Variants in EXD3 observed in about 807,000 individuals in gnomAD.
EXD3 encodes the protein exonuclease mut-7 homolog.
Under a neutral mutation model 98.0 loss-of-function variants are expected in EXD3, and 92 were observed. The observed-to-expected ratio is 0.94, with a 90% confidence interval of 0.79 to 1.12. EXD3 has a LOEUF of 1.12. Among genes scored for constraint, EXD3 ranks in the 50% most tolerant of loss-of-function variants. EXD3 has a pLI of 0.00. For synonymous variants in EXD3, 569 were observed against 526.0 expected, an observed-to-expected ratio of 1.08 and a Z score of -1.12; for missense variants, 1,222 against 1,191.6, an observed-to-expected ratio of 1.03 and a Z score of -0.38.
chr9:137,339,711 A>G (rs1833551051), intron 17 of EXD3, among the ~76,000 whole-genome samples: 1 of 152,190 alleles, frequency 6.6e-6, no homozygotes, highest in African/African-American at 2.4e-5. Flanking sequence ...GTCGAATTCA[A>G]TGTTCATTCA....
rs114716688 is a variant in EXD3 at position 137,349,137 on chromosome 9, T to C, written c.1803A>G (p.Lys601=). The change falls in exon 16 of 22, where the codon AAA becomes AAG. Residue 601 remains lysine (K), a synonymous_variant. Transcript: ENST00000340951. The surrounding 1 kb of genome is among the most constrained non-coding windows in gnomAD (Gnocchi z 7.4). ...GCCTGGGTGCGGCCGGTGCTGACGC[T>C]TTCTGCAGGCCGGGTGGCTTCCGTG... ...PGARKPPGLQ[K]ASAPAAPRQV... is the part of the protein sequence containing the mutation. 4.5e-3 allele frequency: 7,191 copies of C among 1,599,266 alleles called. 333 individuals carry two copies. The African/African-American group carries it at 0.083, about 18-fold the overall frequency.
chr9:137,309,580 C>T (rs1831254960), intron 20 of EXD3, 27 bp downstream of exon 20: 1 of 1,537,630 alleles, frequency 6.5e-7, no homozygotes. Flanking sequence ...GCCCCCCAGA[C>T]CCAGTGCCTG....
chr9:137,330,640 C>G (rs1833022987), intron 17 of EXD3, among the ~76,000 whole-genome samples: 1 of 149,518 alleles, frequency 6.7e-6, no homozygotes, highest in Admixed American at 6.6e-5. Context: ...CAGGACTACA[C>G]AGGAGCTACA....
At chr9:137,376,343 CAAAAAAAAAA>C (rs765888922) in intron 3 of EXD3, among the ~76,000 whole-genome samples, 3 of 39,960 alleles carry the variant, frequency 7.5e-5, no homozygotes, top group African/African-American at 1.8e-4. Flanking sequence ...GACTCTGTCT[CAAAAAAAAAA>C]AAAAAAAAAA....
chr9:137,322,105 T>C (rs905741781), intron 19 of EXD3, among the ~76,000 whole-genome samples: 4 of 152,172 alleles, frequency 2.6e-5, no homozygotes. Context: ...CACTCAGGGC[T>C]TCTGTTGCCC....
chr9:137,404,721 G>C (rs958291112), intron 1 of EXD3, among the ~76,000 whole-genome samples: 13 of 152,148 alleles, frequency 8.5e-5, no homozygotes, highest in Non-Finnish European at 1.8e-4. Flanking sequence ...TTAGCTGGGC[G>C]TGGTGGCACA....
chr9:137,314,973 G>A (rs139418930), intron 19 of EXD3, among the ~76,000 whole-genome samples: 216 of 152,326 alleles, frequency 1.4e-3, no homozygotes, highest in Non-Finnish European at 2.3e-3. Context: ...GTGTCAGGGT[G>A]TGAGCCAGGA....
chr9:137,358,227 G>C (rs1001571316), intron 7 of EXD3, among the ~76,000 whole-genome samples: 2 of 152,224 alleles, frequency 1.3e-5, no homozygotes, highest in Non-Finnish European at 2.9e-5. Context: ...GCCCTGCAGA[G>C]GAACCACCTC....
At position 137,372,991 on chromosome 9, in the gene EXD3, C is replaced by A; in HGVS notation, c.376G>T (p.Ala126Ser). The change falls in exon 5 of 22, where the codon GCC (alanine) becomes TCC (serine). Residue 126 changes from alanine to serine, a missense_variant. Physicochemically the swap from Ala to Ser is moderately conservative, Grantham distance 99. Coordinates refer to ENST00000340951, the MANE Select transcript of EXD3 (RefSeq NM_017820.5). Reference protein sequence around the residue: ...ESPPSLAAPLASIFQLQDADR... With the variant: ...ESPPSLAAPLSSIFQLQDADR... ...GCATCCTGCAGCTGGAAGATGCTGG[C>A]CAGTGGTGCCGCAAGGCTGGGGGGG... 1.2e-6 allele frequency: 2 copies of A among 1,604,768 alleles called. No homozygotes were observed. Among genetic ancestry groups the A allele is most frequent in the Non-Finnish European group, 1.7e-6 (2 of 1,179,580 alleles).
chr9:137,364,244 G>A (rs1245102243), intron 7 of EXD3, among the ~76,000 whole-genome samples: 1 of 152,108 alleles, frequency 6.6e-6, no homozygotes, highest in African/African-American at 2.4e-5. Flanking sequence ...GTGACTAAGA[G>A]CTGGCAGCCA....
intron 17 of EXD3, among the ~76,000 whole-genome samples, chr9:137,341,649 G>A (rs879011322): frequency 2.8e-4 from 15 of 53,864 alleles, no homozygotes; most frequent in South Asian, 8.6e-4. Flanking sequence ...ACCAGGAGCC[G>A]TCTCCCAGGG....
At position 137,361,543 on chromosome 9, in the gene EXD3, C is replaced by T. The variant is rs570635867; in HGVS notation, c.656+4950G>A. Among the ~76,000 whole-genome samples the T allele has an allele frequency of 4.3e-4, 58 of 134,514 alleles. 9 individuals are homozygous for T. Among genetic ancestry groups the T allele is most frequent in the African/African-American group, 1.4e-3 (54 of 38,108 alleles). The allele number at this position is 134,514 out of a possible 152,430, so 88.2% of individuals were successfully genotyped here. ...TGGGTGGATTACGAGGTCAGGAGAT[C>T]GAGACCATCCTGGCTAACATGGTGA... On this transcript the variant is annotated intron_variant, in intron 7 of 21. Transcript: ENST00000340951.
At position 137,396,250 on chromosome 9, in the gene EXD3, G is replaced by A. The variant is rs529010619; in HGVS notation, c.-47-846C>T. 9.8e-5 allele frequency among the ~76,000 whole-genome samples: 15 copies of A among 152,308 alleles called. No homozygotes were observed. In the South Asian group the frequency reaches 3.1e-3, roughly 32 times the overall value. On this transcript the variant is annotated intron_variant, in intron 1 of 21. Transcript: ENST00000340951. ...CCCAAAGTGCTGGGACTACAGGCGTGAGCCACCGCGCCTGGCCCCTGGGAG... is the reference window on the plus strand; with the variant it reads ...CCCAAAGTGCTGGGACTACAGGCGTAAGCCACCGCGCCTGGCCCCTGGGAG...
chr9:137,310,410 G>A (rs986526594), intron 19 of EXD3, among the ~76,000 whole-genome samples: 3 of 152,264 alleles, frequency 2.0e-5, no homozygotes, highest in South Asian at 2.1e-4. Flanking sequence ...TGTATTTTTC[G>A]TAGAGATGAG....
At chr9:137,365,743 C>G in intron 7 of EXD3, 1 of 321,094 alleles carries the variant, frequency 3.1e-6, no homozygotes, top group Non-Finnish European at 6.1e-6. Flanking sequence ...CCTACAGGCA[C>G]ACACATACAT....
Position 137,395,969 on chromosome 9 carries a change from T to A in EXD3, c.-47-565A>T, listed in dbSNP as rs977818917. On this transcript the variant is annotated intron_variant, in intron 1 of 21. Transcript: ENST00000340951. The surrounding 1 kb of genome is among the most constrained non-coding windows in gnomAD (Gnocchi z 6.5). ...TTTTTTTTTCTTTTCTTTCTTTCTT[T>A]CTTTTTTTTTTTTTTGGAGACAGAG... Among the ~76,000 whole-genome samples, 1 of 147,526 alleles carries A rather than the reference T, an allele frequency of 6.8e-6. No individual in the cohort carries two copies. Among genetic ancestry groups the A allele is most frequent in the Non-Finnish European group, 1.5e-5 (1 of 67,222 alleles).
chr9:137,369,390 C>G (rs1835474976), intron 5 of EXD3, among the ~76,000 whole-genome samples: 1 of 152,190 alleles, frequency 6.6e-6, no homozygotes, highest in Non-Finnish European at 1.5e-5. Flanking sequence ...CAGGGCCGGA[C>G]ACCTCACCCC....
intron 1 of EXD3, among the ~76,000 whole-genome samples, chr9:137,409,211 G>C (rs1026387315): frequency 6.6e-5 from 10 of 152,152 alleles, no homozygotes; most frequent in African/African-American, 2.2e-4. Flanking sequence ...CCTGAGGCCT[G>C]AGCCCGCATG....
chr9:137,375,039 C>T (rs554632606), intron 3 of EXD3, among the ~76,000 whole-genome samples: 31 of 150,644 alleles, frequency 2.1e-4, no homozygotes, highest in Non-Finnish European at 3.4e-4. Context: ...GACGGAGTCT[C>T]GCTCTGTCGC....
Sources: gnomAD v4.1 joint callset for allele counts (sites outside exome capture counted in the v4.1 genomes callset) on GRCh38, gnomAD v4.1.1 for gene constraint, Gnocchi (gnomAD v3.1) non-coding constraint, MANE v1.5 for transcripts, NCBI Gene and HGNC (gene_info 2026-07-23, HGNC 2026-07-21) for gene names.